Variants in QTMAN observed in about 807,000 individuals in gnomAD.
The protein encoded by QTMAN is tRNA-queuosine alpha-mannosyltransferase.
At chr2:144,257,632 A>T in the QTMAN span, among the ~76,000 whole-genome samples, 1 of 152,208 alleles carries the variant, frequency 6.6e-6, no homozygotes, top group Non-Finnish European at 1.5e-5. Context: ...AGTATTTGAG[A>T]TAACCCAAAT....
At chr2:144,117,601 A>C in the QTMAN span, among the ~76,000 whole-genome samples, 1 of 152,158 alleles carries the variant, frequency 6.6e-6, no homozygotes, top group East Asian at 1.9e-4. Context: ...TAAACATTGT[A>C]ATTCTTTTGC....
the QTMAN span, among the ~76,000 whole-genome samples, chr2:144,142,683 T>C: frequency 6.6e-6 from 1 of 151,946 alleles, no homozygotes; most frequent in African/African-American, 2.4e-5. Flanking sequence ...TATCATATTA[T>C]ATTATATTGG....
the QTMAN span, among the ~76,000 whole-genome samples, chr2:144,302,151 G>C: frequency 6.6e-6 from 1 of 151,950 alleles, no homozygotes; most frequent in East Asian, 1.9e-4. Flanking sequence ...AGGGCATACA[G>C]AAAATATCTG....
chr2:144,227,115 C>A, the QTMAN span, among the ~76,000 whole-genome samples: 1 of 152,110 alleles, frequency 6.6e-6, no homozygotes, highest in African/African-American at 2.4e-5. Context: ...TTTAATATGT[C>A]TTTAGCCATA....
At chr2:144,148,593 C>T in the QTMAN span, among the ~76,000 whole-genome samples, 2 of 151,864 alleles carry the variant, frequency 1.3e-5, no homozygotes, top group African/African-American at 4.8e-5. Flanking sequence ...CTGTTAATTT[C>T]TACATGAGGA....
At chr2:144,049,596 GA>G in the QTMAN span, among the ~76,000 whole-genome samples, 1 of 152,058 alleles carries the variant, frequency 6.6e-6, no homozygotes, top group Admixed American at 6.5e-5. Flanking sequence ...GCATGTCTTT[GA>G]AAAACTTTAC....
At chr2:144,270,650 G>GC in the QTMAN span, among the ~76,000 whole-genome samples, 1 of 150,280 alleles carries the variant, frequency 6.7e-6, no homozygotes, top group Non-Finnish European at 1.5e-5. Context: ...ACTGGGGCCT[G>GC]CCGGGGGTGG....
chr2:144,263,653 G>A, the QTMAN span, among the ~76,000 whole-genome samples: 1 of 152,188 alleles, frequency 6.6e-6, no homozygotes, highest in Non-Finnish European at 1.5e-5. Context: ...GAACCAAGAG[G>A]AAGAGGTTGC....
the QTMAN span, among the ~76,000 whole-genome samples, chr2:144,161,226 T>C: frequency 6.6e-6 from 1 of 152,312 alleles, no homozygotes; most frequent in South Asian, 2.1e-4. Context: ...AAGCTTCCTA[T>C]GATTATGACT....
At chr2:144,067,342 G>T in the QTMAN span, among the ~76,000 whole-genome samples, 1 of 152,294 alleles carries the variant, frequency 6.6e-6, no homozygotes, top group East Asian at 1.9e-4. Flanking sequence ...TTGTTTCTAA[G>T]AAATTATTTC....
the QTMAN span, among the ~76,000 whole-genome samples, chr2:144,237,642 T>A: frequency 6.6e-6 from 1 of 152,100 alleles, no homozygotes; most frequent in East Asian, 1.9e-4. Context: ...ATAAATCCGA[T>A]CAACTTGTGC....
the QTMAN span, chr2:143,951,100 A>G: frequency 1.3e-5 from 2 of 152,000 alleles, no homozygotes; most frequent in Non-Finnish European, 3.0e-5. Context: ...AAAAAGGCAG[A>G]GAACTGTATT....
At chr2:144,108,979 C>T in the QTMAN span, among the ~76,000 whole-genome samples, 1 of 152,108 alleles carries the variant, frequency 6.6e-6, no homozygotes, top group Non-Finnish European at 1.5e-5. Context: ...TGAAAATGGT[C>T]GTACTGCCCA....
chr2:144,041,494 C>G, the QTMAN span, among the ~76,000 whole-genome samples: 1 of 152,122 alleles, frequency 6.6e-6, no homozygotes, highest in African/African-American at 2.4e-5. Flanking sequence ...TGAAGTGCAG[C>G]CTTTGCTGTT....
the QTMAN span, among the ~76,000 whole-genome samples, chr2:144,257,731 T>C: frequency 6.6e-6 from 1 of 152,276 alleles, no homozygotes; most frequent in East Asian, 1.9e-4. Flanking sequence ...TTTCAGGCAA[T>C]ATCTGTCCTT....
the QTMAN span, among the ~76,000 whole-genome samples, chr2:144,105,935 GT>G: frequency 6.6e-6 from 1 of 152,226 alleles, no homozygotes; most frequent in African/African-American, 2.4e-5. Flanking sequence ...CCAGAAGAGA[GT>G]GGGGGGCCAA....
chr2:144,080,620 TAAAG>T, the QTMAN span, among the ~76,000 whole-genome samples: 1 of 152,166 alleles, frequency 6.6e-6, no homozygotes, highest in Non-Finnish European at 1.5e-5. Flanking sequence ...CTCACTGAAT[TAAAG>T]AAATCTATTT....
At chr2:144,126,508 G>C in the QTMAN span, among the ~76,000 whole-genome samples, 1 of 151,982 alleles carries the variant, frequency 6.6e-6, no homozygotes, top group Non-Finnish European at 1.5e-5. Context: ...ACCAATCACA[G>C]TATGTATTTG....
the QTMAN span, among the ~76,000 whole-genome samples, chr2:144,180,129 CT>C: frequency 6.6e-6 from 1 of 152,158 alleles, no homozygotes; most frequent in Non-Finnish European, 1.5e-5. Context: ...AACAGGTAAT[CT>C]TAAGGCCACA....
Sources: allele counts gnomAD v4.1 joint callset (sites outside exome capture counted in the v4.1 genomes callset), GRCh38; gene constraint gnomAD v4.1.1; transcripts MANE v1.5; gene names NCBI Gene and HGNC (gene_info 2026-07-23, HGNC 2026-07-21).